NCR1: variants seen among roughly 807,000 people sequenced by gnomAD.
The protein encoded by NCR1 is NK cell-activating receptor.
In NCR1, 30 loss-of-function variants were observed where a neutral mutation model predicts 32.5. That is an observed-to-expected ratio of 0.92 (90% CI 0.69 to 1.25). NCR1 has a LOEUF of 1.25. NCR1 is among the 50% of genes most tolerant of loss of function. The pLI, the probability that NCR1 is intolerant of heterozygous loss-of-function variation, is 0.00. For missense variants in NCR1, 369 were observed against 380.7 expected, an observed-to-expected ratio of 0.97 and a Z score of 0.26; for synonymous variants, 169 against 143.4, an observed-to-expected ratio of 1.18 and a Z score of -1.28.
downstream of NCR1, among the ~76,000 whole-genome samples, chr19:54,921,095 T>G (rs892086907): frequency 6.6e-6 from 1 of 152,214 alleles, no homozygotes; most frequent in Admixed American, 6.5e-5. Context: ...CCGACCCAGA[T>G]GTTTTCACTC....
the NCR1 span, among the ~76,000 whole-genome samples, chr19:54,899,920 A>G: frequency 6.6e-6 from 1 of 152,150 alleles, no homozygotes; most frequent in South Asian, 2.1e-4. Flanking sequence ...TCCTGTCTCT[A>G]CCAGAAAAGG....
At chr19:54,906,866 C>T in intron 3 of NCR1, 59 bp downstream of exon 3, 1 of 1,567,410 alleles carries the variant, frequency 6.4e-7, no homozygotes, top group Non-Finnish European at 8.7e-7. Context: ...GATGCAGCAT[C>T]ATCTATGAAC....
At chr19:54,926,788 C>T in the NCR1 span, among the ~76,000 whole-genome samples, 5 of 151,608 alleles carry the variant, frequency 3.3e-5, no homozygotes, top group East Asian at 2.0e-4. Context: ...TGGTGGCGAG[C>T]GACTGTAATC....
the NCR1 span, among the ~76,000 whole-genome samples, chr19:54,927,990 G>C: frequency 6.6e-6 from 1 of 152,302 alleles, no homozygotes; most frequent in South Asian, 2.1e-4. Context: ...CACCTTGGGA[G>C]GCCGAGGAGG....
At chr19:54,918,019 C>T (rs558847146), downstream of NCR1, among the ~76,000 whole-genome samples, 108 of 151,870 alleles carry the variant, frequency 7.1e-4, no homozygotes, top group African/African-American at 2.6e-3. Flanking sequence ...TGCAGTGGCG[C>T]GATCTCTGCT....
At chr19:54,936,414 G>A in the NCR1 span, 1 of 1,614,116 alleles carries the variant, frequency 6.2e-7, no homozygotes, top group Admixed American at 1.7e-5. Flanking sequence ...CGCGGTGTCA[G>A]GGGTGACGTT....
chr19:54,917,197 C>T (rs2068153309), downstream of NCR1, among the ~76,000 whole-genome samples: 1 of 151,782 alleles, frequency 6.6e-6, no homozygotes. Context: ...CAGAGCCAAT[C>T]CCAGCTACTC....
chr19:54,938,078 C>A, the NCR1 span: 1 of 1,614,020 alleles, frequency 6.2e-7, no homozygotes, highest in South Asian at 1.1e-5. Flanking sequence ...CTACGGGTTA[C>A]GTGGTCACAA....
chr19:54,919,714 A>AGGGG, downstream of NCR1, among the ~76,000 whole-genome samples: 1 of 100,068 alleles, frequency 1.0e-5, no homozygotes, highest in African/African-American at 3.7e-5. Context: ...GGAAAGGGAG[A>AGGGG]CCCCCCCCCC....
At chr19:54,917,029 C>T (rs1456137939), downstream of NCR1, among the ~76,000 whole-genome samples, 1 of 151,940 alleles carries the variant, frequency 6.6e-6, no homozygotes, top group Non-Finnish European at 1.5e-5. Context: ...ATGCAGTGAC[C>T]CTTTTCAGCC....
downstream of NCR1, among the ~76,000 whole-genome samples, chr19:54,914,626 A>G (rs1407684305): frequency 6.6e-6 from 1 of 152,012 alleles, no homozygotes; most frequent in Admixed American, 6.6e-5. Flanking sequence ...GGTGTGAGTC[A>G]CCGTACCCGG....
chr19:54,930,588 G>A, the NCR1 span: 2,449 of 1,611,988 alleles, frequency 1.5e-3, 37 homozygotes, highest in African/African-American at 0.028. Context: ...TCAAGTCCAG[G>A]TTTGTGAGGC....
chr19:54,909,555 G>A (rs771894964), intron 4 of NCR1, 32 bp downstream of exon 4: 35 of 1,582,746 alleles, frequency 2.2e-5, no homozygotes, highest in East Asian at 6.7e-5. Flanking sequence ...CACACCCTTC[G>A]CCGCCATGTG....
chr19:54,930,069 C>T, the NCR1 span, among the ~76,000 whole-genome samples: 3 of 144,534 alleles, frequency 2.1e-5, no homozygotes, highest in Non-Finnish European at 3.0e-5. Flanking sequence ...AAGCCGAGAT[C>T]GCGCCACTGC....
downstream of NCR1, among the ~76,000 whole-genome samples, chr19:54,919,330 AG>A (rs1234376946): frequency 6.6e-6 from 1 of 152,244 alleles, no homozygotes; most frequent in African/African-American, 2.4e-5. Context: ...GATACAAGGC[AG>A]AAGGGGCAGG....
the NCR1 span, among the ~76,000 whole-genome samples, chr19:54,937,677 C>T: frequency 6.6e-6 from 1 of 152,072 alleles, no homozygotes; most frequent in South Asian, 2.1e-4. Context: ...GCAGGCAAAT[C>T]ACCTGAGGTC....
At chr19:54,927,649 G>A in the NCR1 span, 30 of 1,614,036 alleles carry the variant, frequency 1.9e-5, no homozygotes, top group Middle Eastern at 3.3e-4. Flanking sequence ...GAACCCCAAA[G>A]AGCTTAATTA....
the NCR1 span, among the ~76,000 whole-genome samples, chr19:54,925,443 A>G: frequency 1.5e-4 from 23 of 152,142 alleles, 1 homozygote; most frequent in Admixed American, 1.5e-3. Flanking sequence ...TAGCGTTCCA[A>G]TAATGCAACA....
At chr19:54,925,391 A>T in the NCR1 span, among the ~76,000 whole-genome samples, 5 of 152,188 alleles carry the variant, frequency 3.3e-5, no homozygotes, top group Non-Finnish European at 7.3e-5. Context: ...AGACGTGTGA[A>T]AAATCGTACC....
Sources: allele counts gnomAD v4.1 joint callset (sites outside exome capture counted in the v4.1 genomes callset), GRCh38; gene constraint gnomAD v4.1.1; transcripts MANE v1.5; gene names NCBI Gene and HGNC (gene_info 2026-07-23, HGNC 2026-07-21).